HEPH: variants seen among roughly 807,000 people sequenced by gnomAD.
HEPH encodes the protein hephaestin.
In HEPH, 69 loss-of-function variants were observed where a neutral mutation model predicts 80.8. The ratio of observed to expected loss-of-function variants is 0.85; its 90% CI spans 0.70 to 1.04. The LOEUF is 1.04. HEPH is among the 50% of genes least tolerant of loss of function. HEPH has a pLI of 0.00. For missense variants in HEPH, 1,115 were observed against 891.3 expected, an observed-to-expected ratio of 1.25 and a Z score of -3.20; for synonymous variants, 431 against 322.8, an observed-to-expected ratio of 1.34 and a Z score of -3.60.
chrX:66,222,864 A>G (rs936120167), intron 15 of HEPH, among the ~76,000 whole-genome samples: 1 of 112,399 alleles, frequency 8.9e-6, no homozygotes, highest in Admixed American at 9.4e-5. Flanking sequence ...CGACTTGGTT[A>G]TGTTAATAAC....
intron 15 of HEPH, among the ~76,000 whole-genome samples, chrX:66,237,158 A>G (rs1449818422): frequency 2.0e-5 from 2 of 100,477 alleles, no homozygotes; most frequent in African/African-American, 7.3e-5. Context: ...TTTTTCTTCT[A>G]CTAGCTTTGG....
intron 15 of HEPH, among the ~76,000 whole-genome samples, chrX:66,230,715 A>AT (rs1569369534): frequency 1.9e-5 from 2 of 105,543 alleles, no homozygotes; most frequent in Admixed American, 1.0e-4. Context: ...ATTTTCTCCC[A>AT]TTTTTTAGGT....
In HEPH at chrX:66,260,159, G is replaced by A; in HGVS notation, c.3096G>A (p.Val1032=). The change falls in exon 19 of 21, where the codon GTG becomes GTA. Residue 1032 remains valine, a synonymous_variant. Transcript: ENST00000343002. ...VDLFPGTFEV[V]EMVASNPGTW... ...TGTTCCCAGGGACTTTTGAGGTTGTGGAGATGGTGGCCAGCAACCCTGGGA... is the reference window on the plus strand; with the variant it reads ...TGTTCCCAGGGACTTTTGAGGTTGTAGAGATGGTGGCCAGCAACCCTGGGA... 1 of 1,206,805 alleles carries A rather than the reference G, an allele frequency of 8.3e-7. No homozygotes were observed. Among genetic ancestry groups the A allele is most frequent in the Non-Finnish European group, 1.1e-6 (1 of 891,373 alleles).
intron 15 of HEPH, among the ~76,000 whole-genome samples, chrX:66,235,378 G>A (rs1337258826): frequency 8.9e-6 from 1 of 111,833 alleles, no homozygotes; most frequent in African/African-American, 3.3e-5. Context: ...TTTGAATAAG[G>A]CGTAAGGAAG....
At chrX:66,241,735 A>G (rs1196232409) in intron 15 of HEPH, among the ~76,000 whole-genome samples, 1 of 111,590 alleles carries the variant, frequency 9.0e-6, no homozygotes, top group East Asian at 2.8e-4. Flanking sequence ...TTTGGGACAT[A>G]AACTTGACAT....
intron 15 of HEPH, among the ~76,000 whole-genome samples, chrX:66,226,329 G>A (rs1443829812): frequency 8.9e-6 from 1 of 111,914 alleles, no homozygotes; most frequent in African/African-American, 3.3e-5. Context: ...ACATTTAAAT[G>A]CCTACATCAG....
chrX:66,197,748 C>A lies in HEPH; in HGVS notation c.1567C>A (p.Pro523Thr). 1.7e-6 allele frequency: 2 copies of A among 1,211,758 alleles called. No individual in the cohort carries two copies. Among genetic ancestry groups the A allele is most frequent in the Non-Finnish European group, 2.2e-6 (2 of 895,396 alleles). Residue 523 changes from proline to threonine, a missense_variant, in exon 10 of 21, where the codon CCT (proline) becomes ACT (threonine). Pro to Thr is a conservative substitution (Grantham distance 38). Coordinates refer to ENST00000343002, the MANE Select transcript of HEPH (RefSeq NM_001367233.3). ...AGTAACATACCGCTGGACAGTCCCC[C>A]CTCATGCCGGTCCCACTGCTCAGGA... ...EKVTYRWTVP[P>T]HAGPTAQDPA...
intron 15 of HEPH, among the ~76,000 whole-genome samples, chrX:66,227,167 A>G (rs746795973): frequency 8.9e-6 from 1 of 112,388 alleles, no homozygotes; most frequent in East Asian, 2.8e-4. Flanking sequence ...CATAAATAGA[A>G]TTAAAAACAA....
chrX:66,247,296 C>T (rs895178253), intron 15 of HEPH, among the ~76,000 whole-genome samples: 23 of 107,420 alleles, frequency 2.1e-4, no homozygotes, highest in African/African-American at 6.8e-4. Context: ...TTCCATAATA[C>T]ATATATTAAT....
chrX:66,227,938 G>A (rs781137493), intron 15 of HEPH, among the ~76,000 whole-genome samples: 7 of 111,272 alleles, frequency 6.3e-5, no homozygotes, highest in Non-Finnish European at 9.4e-5. Flanking sequence ...GAAGAATAAT[G>A]TTGGTATTTT....
At chrX:66,194,618 C>T (rs902241312) in intron 8 of HEPH, among the ~76,000 whole-genome samples, 4 of 111,588 alleles carry the variant, frequency 3.6e-5, no homozygotes, top group South Asian at 7.6e-4. Context: ...ATTCTCTTTG[C>T]TCAGAATTGG....
At chrX:66,239,299 G>A (rs1433771266) in intron 15 of HEPH, among the ~76,000 whole-genome samples, 5 of 111,417 alleles carry the variant, frequency 4.5e-5, no homozygotes, top group Non-Finnish European at 9.4e-5. Flanking sequence ...CGAGTGCATG[G>A]TAGCCCCTTG....
At chrX:66,199,863 A>G (rs2088330636) in intron 11 of HEPH, among the ~76,000 whole-genome samples, 1 of 112,032 alleles carries the variant, frequency 8.9e-6, no homozygotes, top group South Asian at 3.7e-4. Context: ...GTCAACAGGT[A>G]TTATCAAAGC....
intron 15 of HEPH, among the ~76,000 whole-genome samples, chrX:66,229,382 A>G (rs749984604): frequency 8.9e-6 from 1 of 111,848 alleles, no homozygotes; most frequent in Non-Finnish European, 1.9e-5. Flanking sequence ...ATTCTCACTC[A>G]TAAGTGAGAG....
At chrX:66,196,170 C>T (rs1357539491) in intron 9 of HEPH, among the ~76,000 whole-genome samples, 1 of 111,041 alleles carries the variant, frequency 9.0e-6, no homozygotes, top group Non-Finnish European at 1.9e-5. Flanking sequence ...AGGGAATTTT[C>T]TTAGGTGGAA....
At chrX:66,246,642 C>T (rs2090820640) in intron 15 of HEPH, among the ~76,000 whole-genome samples, 1 of 111,219 alleles carries the variant, frequency 9.0e-6, no homozygotes. Flanking sequence ...TGCATAGGCT[C>T]CTGTGGAGGA....
At chrX:66,233,558 T>A (rs1021546505) in intron 15 of HEPH, among the ~76,000 whole-genome samples, 2 of 111,256 alleles carry the variant, frequency 1.8e-5, no homozygotes, top group Non-Finnish European at 3.8e-5. Context: ...TTTTGCCCAA[T>A]GTTAAACTTT....
intron 15 of HEPH, among the ~76,000 whole-genome samples, chrX:66,209,286 C>A (rs1157539430): frequency 1.8e-5 from 2 of 112,260 alleles, no homozygotes; most frequent in Non-Finnish European, 3.8e-5. Context: ...TCAGCTGAGA[C>A]CTAAATCAGT....
intron 15 of HEPH, among the ~76,000 whole-genome samples, chrX:66,239,620 C>G (rs1372120974): frequency 9.0e-6 from 1 of 111,524 alleles, no homozygotes; most frequent in African/African-American, 3.3e-5. Flanking sequence ...TGATTCTCAG[C>G]CAGAGAAAAA....
Sources: allele counts gnomAD v4.1 joint callset (sites outside exome capture counted in the v4.1 genomes callset), GRCh38; gene constraint gnomAD v4.1.1; transcripts MANE v1.5; gene names NCBI Gene and HGNC (gene_info 2026-07-23, HGNC 2026-07-21).